C8orf34: variants seen among roughly 807,000 people sequenced by gnomAD.
C8orf34 encodes chromosome 8 open reading frame 34.
C8orf34 carries 65 observed loss-of-function variants against 68.3 expected under a neutral mutation model. That is an observed-to-expected ratio of 0.95 (90% confidence interval 0.78 to 1.17). C8orf34 has a LOEUF of 1.17. Ranked by LOEUF, C8orf34 falls within the 50% of genes most tolerant of loss-of-function variation. C8orf34 has a pLI of 0.00. For synonymous variants in C8orf34, 244 were observed against 241.2 expected (o/e 1.01, Z -0.11); for missense variants, 664 against 655.4 (o/e 1.01, Z -0.14).
chr8:68,740,562 G>A (rs1164919811), intron 10 of C8orf34, among the ~76,000 whole-genome samples: 1 of 152,086 alleles, frequency 6.6e-6, no homozygotes. Context: ...AGTCAGAATG[G>A]CTATGATTAA....
chr8:68,385,875 G>C (rs901023557), intron 1 of C8orf34, among the ~76,000 whole-genome samples: 1 of 152,172 alleles, frequency 6.6e-6, no homozygotes, highest in African/African-American at 2.4e-5. Context: ...CAAAAACCTA[G>C]ATGATGAAAA....
At chr8:68,471,812 A>C (rs1366453850) in intron 4 of C8orf34, among the ~76,000 whole-genome samples, 1 of 152,000 alleles carries the variant, frequency 6.6e-6, no homozygotes, top group Non-Finnish European at 1.5e-5. Context: ...AAAATCCTAC[A>C]TGTTTTAGAA....
intron 8 of C8orf34, among the ~76,000 whole-genome samples, chr8:68,706,501 G>C (rs905322280): frequency 3.9e-5 from 6 of 152,102 alleles, no homozygotes; most frequent in Non-Finnish European, 7.4e-5. Flanking sequence ...GGGAAATGGA[G>C]ATTTGTTAAT....
At chr8:68,743,708 A>C (rs1384782123) in intron 10 of C8orf34, among the ~76,000 whole-genome samples, 1 of 151,950 alleles carries the variant, frequency 6.6e-6, no homozygotes, top group Non-Finnish European at 1.5e-5. Flanking sequence ...GGAGATTAAA[A>C]CCCGCACCTG....
chr8:68,595,509 C>T (rs1438559477), intron 7 of C8orf34, among the ~76,000 whole-genome samples: 1 of 151,948 alleles, frequency 6.6e-6, no homozygotes, highest in African/African-American at 2.4e-5. Context: ...ATTTTCTTTG[C>T]TCTCAGGATT....
intron 1 of C8orf34, among the ~76,000 whole-genome samples, chr8:68,433,342 A>G (rs1310055591): frequency 1.3e-5 from 2 of 152,188 alleles, no homozygotes; most frequent in Non-Finnish European, 2.9e-5. Context: ...ATGGGTGCTG[A>G]ATAAAAAACA....
chr8:68,756,472 C>G (rs147484761), intron 10 of C8orf34, among the ~76,000 whole-genome samples: 1 of 151,988 alleles, frequency 6.6e-6, no homozygotes, highest in Non-Finnish European at 1.5e-5. Context: ...TTCTGTTGAT[C>G]GGAAGTGTAT....
At chr8:68,682,924 C>T (rs1020480759) in intron 8 of C8orf34, among the ~76,000 whole-genome samples, 7 of 152,010 alleles carry the variant, frequency 4.6e-5, no homozygotes, top group African/African-American at 1.2e-4. Context: ...AAAAATGTTT[C>T]GCGCGGCTGT....
At position 68,669,565 on chromosome 8, in the gene C8orf34, T is replaced by C. The variant is rs557924079; in HGVS notation, c.1241+29054T>C. 5.3e-5 allele frequency among the ~76,000 whole-genome samples: 8 copies of C among 152,312 alleles called. No homozygotes were observed. In the South Asian group the frequency reaches 1.7e-3, roughly 32 times the overall value. On this transcript the variant is annotated intron_variant, in intron 8 of 13. Transcript: ENST00000518698. ...CATGAGGTGAACAAATGGGAAATTA[T>C]CAGGAAAACAATAATATTGGGCATG...
At chr8:68,438,587 A>G (rs1056731660) in intron 1 of C8orf34, 3 of 152,152 alleles carry the variant, frequency 2.0e-5, no homozygotes, top group Admixed American at 6.5e-5. Context: ...CAATGAACAG[A>G]CTAGAATTCT....
rs146821316 is a variant in C8orf34 at position 68,371,340 on chromosome 8, T to G, written c.327+40001T>G. 9.2e-5 allele frequency among the ~76,000 whole-genome samples: 14 copies of G among 152,250 alleles called. No individual in the cohort carries two copies. In the East Asian group the frequency reaches 2.7e-3, roughly 29 times the overall value. ...CTATAATTTGACAATTTTTAATAAT[T>G]CCATAGTTTTGGCAAATTATAGAAT... On this transcript the variant is annotated intron_variant, in intron 1 of 13. Coordinates refer to ENST00000518698, the MANE Select transcript of C8orf34 (RefSeq NM_052958.4).
intron 12 of C8orf34, among the ~76,000 whole-genome samples, chr8:68,792,794 A>C (rs1824048580): frequency 6.6e-6 from 1 of 151,902 alleles, no homozygotes; most frequent in African/African-American, 2.4e-5. Flanking sequence ...GAAAAATAGA[A>C]AGTTTGCCAG....
intron 6 of C8orf34, among the ~76,000 whole-genome samples, chr8:68,522,852 C>T (rs1049311095): frequency 3.3e-5 from 5 of 152,036 alleles, no homozygotes; most frequent in African/African-American, 9.7e-5. Context: ...ACCAGCTGCC[C>T]GTCACAGAAG....
At chr8:68,370,836 C>A (rs962009548) in intron 1 of C8orf34, among the ~76,000 whole-genome samples, 3 of 152,128 alleles carry the variant, frequency 2.0e-5, no homozygotes, top group Non-Finnish European at 4.4e-5. Context: ...GGTCTAACAT[C>A]CTTAGAATCC....
At chr8:68,697,133 AT>A (rs1820858160) in intron 8 of C8orf34, among the ~76,000 whole-genome samples, 1 of 151,936 alleles carries the variant, frequency 6.6e-6, no homozygotes, top group Non-Finnish European at 1.5e-5. Flanking sequence ...AAATGACCTA[AT>A]TTATTTTTAT....
intron 10 of C8orf34, among the ~76,000 whole-genome samples, chr8:68,761,402 C>T (rs943464604): frequency 6.6e-6 from 1 of 152,104 alleles, no homozygotes; most frequent in Non-Finnish European, 1.5e-5. Flanking sequence ...TTTATTACTC[C>T]TCTAGAGCAG....
intron 10 of C8orf34, among the ~76,000 whole-genome samples, chr8:68,755,906 A>C (rs564495256): frequency 2.0e-5 from 2 of 99,648 alleles, no homozygotes; most frequent in African/African-American, 5.5e-5. Context: ...TAAAAATACA[A>C]AAAAAAAAAA....
At chr8:68,719,088 G>T (rs75663961) in intron 9 of C8orf34, among the ~76,000 whole-genome samples, 1,764 of 152,218 alleles carry the variant, frequency 0.012, 19 homozygotes, top group Non-Finnish European at 0.018. Context: ...TACTGTTAAT[G>T]AGTGATGTAC....
intron 10 of C8orf34, among the ~76,000 whole-genome samples, chr8:68,721,671 G>A (rs575626038): frequency 7.2e-5 from 11 of 152,048 alleles, no homozygotes; most frequent in Non-Finnish European, 1.3e-4. Context: ...GAGCTGCCAT[G>A]TGAAACTTCA....
Sources: allele counts gnomAD v4.1 joint callset (sites outside exome capture counted in the v4.1 genomes callset), GRCh38; gene constraint gnomAD v4.1.1; transcripts MANE v1.5; gene names NCBI Gene and HGNC (gene_info 2026-07-23, HGNC 2026-07-21).